The following EDNRB variants were observed in gnomAD, a reference collection of about 807,000 sequenced individuals.
EDNRB encodes the protein Hirschsprung disease 2.
EDNRB carries 18 observed loss-of-function variants against 46.4 expected under a neutral mutation model. The observed-to-expected ratio is 0.39, with a 90% CI of 0.27 to 0.57. The LOEUF (loss-of-function observed/expected upper bound fraction) is 0.57, where lower values mean the gene tolerates loss of function less well. Among genes scored for constraint, EDNRB ranks in the 20% least tolerant of loss-of-function variants. EDNRB has a pLI of 0.61. For missense variants in EDNRB, 434 were observed against 537.5 expected, an observed-to-expected ratio of 0.81 and a Z score of 1.90; for synonymous variants, 213 against 204.9, an observed-to-expected ratio of 1.04 and a Z score of -0.34.
intron 1 of EDNRB, among the ~76,000 whole-genome samples, chr13:77,916,701 T>G (rs1879822251): frequency 6.6e-6 from 1 of 152,162 alleles, no homozygotes; most frequent in Non-Finnish European, 1.5e-5. Context: ...CCTACAACAT[T>G]TCCCAACTTT....
intron 1 of EDNRB, among the ~76,000 whole-genome samples, chr13:77,965,353 C>T (rs1881550376): frequency 6.6e-6 from 1 of 152,128 alleles, no homozygotes; most frequent in Non-Finnish European, 1.5e-5. Flanking sequence ...TTTCATGCTT[C>T]ATTTGAATCA....
intron 1 of EDNRB, among the ~76,000 whole-genome samples, chr13:77,926,369 AC>A (rs1423537538): frequency 1.3e-5 from 2 of 152,174 alleles, no homozygotes. Flanking sequence ...CACCTAAGTC[AC>A]TTTTGAATGC....
chr13:77,906,440 G>A (rs12585038), intron 1 of EDNRB, among the ~76,000 whole-genome samples: 25,930 of 151,994 alleles, frequency 0.17, 2,682 homozygotes, highest in East Asian at 0.53. Flanking sequence ...ATTGGACTTA[G>A]TGATTTGTTT....
At chr13:77,922,039 C>T (rs1880100798), upstream of EDNRB, among the ~76,000 whole-genome samples, 1 of 151,798 alleles carries the variant, frequency 6.6e-6, no homozygotes, top group South Asian at 2.1e-4. Flanking sequence ...GTAAATTTCA[C>T]TTCTATATAT....
intron 1 of EDNRB, among the ~76,000 whole-genome samples, chr13:77,963,968 A>G (rs1318085707): frequency 1.3e-5 from 2 of 152,260 alleles, no homozygotes; most frequent in Non-Finnish European, 2.9e-5. Context: ...AAGGATATGA[A>G]CAGACACTTC....
chr13:77,917,123 C>T (rs1412466722), intron 1 of EDNRB, among the ~76,000 whole-genome samples: 12 of 152,106 alleles, frequency 7.9e-5, no homozygotes, highest in Admixed American at 3.3e-4. Context: ...TTTGAGTGCT[C>T]CTTGGTCTTG....
chr13:77,923,979 A>C (rs1274872840), upstream of EDNRB, among the ~76,000 whole-genome samples: 1 of 152,186 alleles, frequency 6.6e-6, no homozygotes, highest in Non-Finnish European at 1.5e-5. Flanking sequence ...CTTTTAATCA[A>C]AATCTGCCAA....
At chr13:77,936,405 G>A (rs1162906496) in intron 1 of EDNRB, among the ~76,000 whole-genome samples, 2 of 152,130 alleles carry the variant, frequency 1.3e-5, no homozygotes, top group African/African-American at 4.8e-5. Flanking sequence ...TAGAAGCCTG[G>A]CCATCAATAC....
In EDNRB at chr13:77,897,323, A is replaced by C; in HGVS notation, c.*877T>G. On this transcript the variant is annotated 3_prime_UTR_variant, in exon 7 of 7. Transcript: ENST00000646607. Reference sequence around the variant, plus strand: ...GATAGTGAAAGAAGAAGATTTTAATAATCCTGAAAAAATTGTAGATAGTAT... The same window carrying C: ...GATAGTGAAAGAAGAAGATTTTAATCATCCTGAAAAAATTGTAGATAGTAT... The C allele has an allele frequency of 1.0e-6, 1 of 985,276 alleles. No individual in the cohort carries two copies. Among genetic ancestry groups the C allele is most frequent in the Non-Finnish European group, 1.2e-6 (1 of 829,858 alleles). 61.0% of individuals were successfully genotyped at this position (985,276 alleles called of 1,614,324 possible).
intron 1 of EDNRB, among the ~76,000 whole-genome samples, chr13:77,943,992 GTAGT>G (rs560282617): frequency 6.6e-6 from 1 of 152,144 alleles, no homozygotes; most frequent in Admixed American, 6.6e-5. Flanking sequence ...AATACTTGAG[GTAGT>G]TATAGTCAAG....
upstream of EDNRB, among the ~76,000 whole-genome samples, chr13:77,921,558 C>T (rs1880086406): frequency 6.6e-6 from 1 of 152,204 alleles, no homozygotes. Context: ...GAATGCATGT[C>T]TAAATGGTTA....
intron 1 of EDNRB, among the ~76,000 whole-genome samples, chr13:77,929,768 T>A (rs1229339777): frequency 6.6e-6 from 1 of 152,214 alleles, no homozygotes; most frequent in East Asian, 1.9e-4. Context: ...CCTGGCCATT[T>A]ACCTACCTGA....
intron 1 of EDNRB, among the ~76,000 whole-genome samples, chr13:77,953,254 T>C (rs2137676213): frequency 6.6e-6 from 1 of 152,256 alleles, no homozygotes; most frequent in African/African-American, 2.4e-5. Context: ...GACCAGTTCC[T>C]GAGTAACTGA....
chr13:77,956,762 C>T lies in EDNRB; in HGVS notation c.-52+18585G>A, dbSNP rs146541457. ...TTTAGCAGCTTCTAGAGGCCACCCA[C>T]ATTCCTTGGCTCATGGCCTCTTTCT... is the stretch of plus-strand genomic sequence containing the variant. On this transcript the variant is annotated intron_variant, in intron 1 of 7. Coordinates refer to the EDNRB transcript ENST00000646948. Among the ~76,000 whole-genome samples, 757 of 152,332 alleles carry T rather than the reference C, an allele frequency of 5.0e-3. 3 individuals are homozygous for T. Among genetic ancestry groups the T allele is most frequent in the African/African-American group, 0.017 (714 of 41,578 alleles).
At chr13:77,966,720 T>C (rs1307282441) in intron 1 of EDNRB, among the ~76,000 whole-genome samples, 2 of 152,212 alleles carry the variant, frequency 1.3e-5, no homozygotes, top group Non-Finnish European at 2.9e-5. Context: ...TCAACATAGA[T>C]AAGCAGAGAT....
chr13:77,957,263 AG>A (rs1881267014), intron 1 of EDNRB, among the ~76,000 whole-genome samples: 1 of 152,238 alleles, frequency 6.6e-6, no homozygotes, highest in Non-Finnish European at 1.5e-5. Flanking sequence ...GAACCAAAAA[AG>A]TTAATGTATT....
chr13:77,919,216 C>G, upstream of EDNRB: 1 of 680,848 alleles, frequency 1.5e-6, no homozygotes, highest in Non-Finnish European at 2.4e-6. Context: ...TTGGAAACCG[C>G]TGTTCCCTCC....
At chr13:77,918,906 A>G, upstream of EDNRB, 5 of 1,223,530 alleles carry the variant, frequency 4.1e-6, no homozygotes, top group Non-Finnish European at 5.1e-6. The surrounding 1 kb of genome is among the most constrained non-coding windows in gnomAD (Gnocchi z 4.5). Flanking sequence ...CAGGGAGGGA[A>G]TGATGGGGGT....
chr13:77,934,158 C>T (rs937519478), intron 1 of EDNRB, among the ~76,000 whole-genome samples: 2 of 152,266 alleles, frequency 1.3e-5, no homozygotes, highest in Middle Eastern at 3.4e-3. Flanking sequence ...TAGTTGAGAA[C>T]GGTCAATAGG....
Sources: allele counts gnomAD v4.1 joint callset (sites outside exome capture counted in the v4.1 genomes callset), GRCh38; gene constraint gnomAD v4.1.1; non-coding constraint Gnocchi (gnomAD v3.1); transcripts MANE v1.5; gene names NCBI Gene and HGNC (gene_info 2026-07-23, HGNC 2026-07-21).